The following PDE4D variants were observed in gnomAD, a reference collection of about 807,000 sequenced individuals.
PDE4D encodes the protein 3',5'-cyclic-AMP phosphodiesterase 4D.
PDE4D carries 24 observed loss-of-function variants against 87.4 expected under a neutral mutation model. The ratio of observed to expected loss-of-function variants is 0.27; its 90% CI spans 0.20 to 0.39. PDE4D has a LOEUF of 0.39. Among genes scored for constraint, PDE4D ranks in the 10% least tolerant of loss-of-function variants. PDE4D has a pLI of 1.00. For missense variants in PDE4D, 714 were observed against 1,041.0 expected, an observed-to-expected ratio of 0.69 and a Z score of 4.32; for synonymous variants, 384 against 383.2, an observed-to-expected ratio of 1.00 and a Z score of -0.02.
chr5:59,099,552 C>A (rs547772380), intron 5 of PDE4D, among the ~76,000 whole-genome samples: 2 of 152,188 alleles, frequency 1.3e-5, no homozygotes, highest in East Asian at 3.9e-4. Context: ...GAGAGATGCG[C>A]CGCAAAATGT....
At chr5:60,405,305 G>T (rs866453673) in intron 1 of PDE4D, among the ~76,000 whole-genome samples, 10 of 152,206 alleles carry the variant, frequency 6.6e-5, no homozygotes, top group African/African-American at 2.4e-4. Context: ...GAATGAGTTT[G>T]CAACCTGTAG....
intron 1 of PDE4D, among the ~76,000 whole-genome samples, chr5:60,342,395 G>A (rs369061600): frequency 1.5e-4 from 23 of 152,224 alleles, no homozygotes; most frequent in East Asian, 3.9e-4. Context: ...TTTTGTGACC[G>A]TGGGGGAGGT....
chr5:59,282,824 T>A (rs1048847125), intron 1 of PDE4D, among the ~76,000 whole-genome samples: 2 of 152,162 alleles, frequency 1.3e-5, no homozygotes, highest in South Asian at 4.1e-4. Flanking sequence ...AACATTTTTC[T>A]TGTACATATT....
At chr5:60,424,913 T>C (rs4440101) in intron 1 of PDE4D, among the ~76,000 whole-genome samples, 13 of 152,308 alleles carry the variant, frequency 8.5e-5, no homozygotes, top group Admixed American at 7.8e-4. Context: ...AGCCAAATCA[T>C]GAGTGAACTC....
intron 6 of PDE4D, chr5:59,001,939 T>A (rs1181415428): frequency 4.9e-6 from 2 of 404,870 alleles, no homozygotes; most frequent in East Asian, 6.5e-5. Context: ...ATATAAACCA[T>A]CTAGCTGAAT....
intron 1 of PDE4D, chr5:59,587,396 T>C (rs1400875676): frequency 1.0e-6 from 1 of 961,528 alleles, no homozygotes; most frequent in East Asian, 1.2e-4. Flanking sequence ...ATAGGTGTCA[T>C]TTATTCTGAT....
At position 59,875,354 on chromosome 5, in the gene PDE4D, G is replaced by A. The variant is rs747954974; in HGVS notation, c.455+17814C>T. 1.9e-4 allele frequency among the ~76,000 whole-genome samples: 28 copies of A among 150,862 alleles called. 1 individual carries two copies. Among genetic ancestry groups the A allele is most frequent in the South Asian group, 1.5e-3 (7 of 4,756 alleles). ...CACTCGCCTGTAGTCCCAGCTACTC[G>A]GGAGGCTGAGGCAGGAGAATCTCTT... On this transcript the variant is annotated intron_variant, in intron 1 of 14. Transcript: ENST00000340635.
chr5:59,141,626 T>C (rs960306300), intron 5 of PDE4D, among the ~76,000 whole-genome samples: 3 of 152,234 alleles, frequency 2.0e-5, no homozygotes, highest in African/African-American at 7.2e-5. Context: ...GACTATTTAT[T>C]TGAAACATCT....
At chr5:60,097,326 T>G (rs1013462690) in intron 2 of PDE4D, among the ~76,000 whole-genome samples, 6 of 139,216 alleles carry the variant, frequency 4.3e-5, no homozygotes, top group African/African-American at 1.6e-4. Flanking sequence ...GATTGTCTTT[T>G]GCTAAAGGAC....
intron 1 of PDE4D, among the ~76,000 whole-genome samples, chr5:59,290,683 A>C (rs1767848282): frequency 6.6e-6 from 1 of 152,164 alleles, no homozygotes; most frequent in South Asian, 2.1e-4. Context: ...CAAACTATCC[A>C]TCTGACAAGG....
At chr5:60,403,755 C>T (rs1741287966) in intron 1 of PDE4D, among the ~76,000 whole-genome samples, 1 of 152,206 alleles carries the variant, frequency 6.6e-6, no homozygotes, top group African/African-American at 2.4e-5. Flanking sequence ...GCTTTCCCTC[C>T]TTCCTGATGC....
At chr5:58,984,777 C>A (rs556297883) in intron 11 of PDE4D, among the ~76,000 whole-genome samples, 1 of 152,306 alleles carries the variant, frequency 6.6e-6, no homozygotes, top group East Asian at 1.9e-4. Context: ...AAAAATAATT[C>A]ATTTGCCAAG....
intron 2 of PDE4D, among the ~76,000 whole-genome samples, chr5:59,202,041 T>TTTG (rs1747559446): frequency 7.2e-6 from 1 of 138,804 alleles, no homozygotes; most frequent in Non-Finnish European, 1.6e-5. Context: ...TCATTTTTTT[T>TTTG]TTTTTTTTTT....
At chr5:59,804,064 T>C (rs1767463956) in intron 1 of PDE4D, among the ~76,000 whole-genome samples, 3 of 152,220 alleles carry the variant, frequency 2.0e-5, no homozygotes, top group African/African-American at 7.2e-5. Context: ...TGGGGTACAG[T>C]GGGTTTTGTT....
intron 3 of PDE4D, among the ~76,000 whole-genome samples, chr5:59,942,814 C>A (rs1424338330): frequency 7.5e-6 from 1 of 132,900 alleles, no homozygotes; most frequent in Non-Finnish European, 1.5e-5. Flanking sequence ...GCAAGGGAGA[C>A]AAGAGATGAG....
chr5:59,733,723 A>G (rs1256267318), intron 1 of PDE4D, among the ~76,000 whole-genome samples: 1 of 150,790 alleles, frequency 6.6e-6, no homozygotes. Context: ...AATAGCATCC[A>G]TATTACCATC....
intron 2 of PDE4D, among the ~76,000 whole-genome samples, chr5:60,131,329 C>A (rs1416546723): frequency 6.6e-6 from 1 of 152,132 alleles, no homozygotes; most frequent in Non-Finnish European, 1.5e-5. Flanking sequence ...GTGTTAGACC[C>A]ACAAATGCTC....
intron 1 of PDE4D, among the ~76,000 whole-genome samples, chr5:60,242,163 C>A (rs1747204572): frequency 6.6e-6 from 1 of 151,692 alleles, no homozygotes; most frequent in Non-Finnish European, 1.5e-5. Flanking sequence ...CCAATGGAAA[C>A]AAAAAGAGCA....
chr5:59,047,236 A>G (rs1000444476), intron 5 of PDE4D, among the ~76,000 whole-genome samples: 1 of 152,216 alleles, frequency 6.6e-6, no homozygotes, highest in African/African-American at 2.4e-5. Flanking sequence ...CAGAAACTTA[A>G]TAGTTACCTG....
Sources: allele counts gnomAD v4.1 joint callset (sites outside exome capture counted in the v4.1 genomes callset), GRCh38; gene constraint gnomAD v4.1.1; transcripts MANE v1.5; gene names NCBI Gene and HGNC (gene_info 2026-07-23, HGNC 2026-07-21).